ACSL4: variants seen among roughly 807,000 people sequenced by gnomAD.
ACSL4 encodes the protein long-chain-fatty-acid--CoA ligase 4.
Under a neutral mutation model 49.1 loss-of-function variants are expected in ACSL4, and 9 were observed. That is an observed-to-expected ratio of 0.18 (90% CI 0.11 to 0.32). The LOEUF (loss-of-function observed/expected upper bound fraction) is 0.32, where lower values mean the gene tolerates loss of function less well. ACSL4 is among the 10% of genes least tolerant of loss of function. The pLI is 1.00. For synonymous variants in ACSL4, 191 were observed against 170.3 expected, an observed-to-expected ratio of 1.12 and a Z score of -0.95; for missense variants, 333 against 493.7, an observed-to-expected ratio of 0.67 and a Z score of 3.08.
At chrX:109,645,004 C>G (rs749144674) in intron 15 of ACSL4, among the ~76,000 whole-genome samples, 2 of 113,091 alleles carry the variant, frequency 1.8e-5, no homozygotes, top group East Asian at 5.6e-4. Context: ...TAGCCCGCAC[C>G]TGGCTCGGAG....
chrX:109,732,460 G>A (rs1383991105), intron 1 of ACSL4, among the ~76,000 whole-genome samples: 1 of 111,322 alleles, frequency 9.0e-6, no homozygotes, highest in Non-Finnish European at 1.9e-5. Flanking sequence ...AGAGGAAGAG[G>A]AAGTGAATAA....
intron 9 of ACSL4, among the ~76,000 whole-genome samples, chrX:109,672,343 C>T (rs1349982590): frequency 9.0e-6 from 1 of 110,560 alleles, no homozygotes; most frequent in Non-Finnish European, 1.9e-5. Flanking sequence ...GTGTGAGAAC[C>T]ATGTCTACTG....
chrX:109,663,596 A>G (rs754840345), intron 12 of ACSL4, among the ~76,000 whole-genome samples, 194 bp from the exon 13 acceptor site: 1 of 111,553 alleles, frequency 9.0e-6, no homozygotes, highest in African/African-American at 3.3e-5. Flanking sequence ...GAAAGGCTCA[A>G]TGATAATCAC....
intron 1 of ACSL4, among the ~76,000 whole-genome samples, chrX:109,716,798 T>C (rs1927153237): frequency 8.9e-6 from 1 of 111,853 alleles, no homozygotes; most frequent in Non-Finnish European, 1.9e-5. Context: ...GAAATACTAT[T>C]TAAGGAAGGA....
In ACSL4 at chrX:109,733,146, G is replaced by A. The variant is rs926105852; in HGVS notation, c.-73C>T. 3.1e-6 allele frequency: 1 copy of A among 325,796 alleles called. No homozygotes were observed. Among genetic ancestry groups the A allele is most frequent in the Non-Finnish European group, 5.9e-6 (1 of 168,192 alleles). 26.8% of individuals were successfully genotyped at this position (325,796 alleles called of 1,213,427 possible). A position where few individuals can be genotyped will look rare whatever the true frequency, so the allele number is the denominator to read the frequency against. On this transcript the variant is annotated 5_prime_UTR_variant, in exon 1 of 16. Transcript: ENST00000672401. ...CCATCCAGGGATACTCACCGGAGGG[G>A]CGGCCCACCGCGTCTTCGCAGCCGG...
intron 15 of ACSL4, among the ~76,000 whole-genome samples, chrX:109,647,699 C>T (rs768934243): frequency 9.0e-6 from 1 of 111,184 alleles, no homozygotes; most frequent in East Asian, 2.8e-4. Context: ...GAAATAGAGA[C>T]ACAAAAAACC....
At chrX:109,647,608 A>G (rs186268378) in intron 15 of ACSL4, among the ~76,000 whole-genome samples, 8 of 111,823 alleles carry the variant, frequency 7.2e-5, no homozygotes, top group African/African-American at 2.6e-4. Context: ...ATCAAAATTA[A>G]AAGAACTAGA....
At chrX:109,661,750 C>G (rs1922198300) in intron 13 of ACSL4, 105 bp from the exon 14 acceptor site, 1 of 574,629 alleles carries the variant, frequency 1.7e-6, no homozygotes, top group Non-Finnish European at 2.9e-6. Context: ...AAAACTACTT[C>G]TTCTAAAATT....
chrX:109,725,473 C>T (rs963418326), intron 1 of ACSL4, among the ~76,000 whole-genome samples: 1 of 111,554 alleles, frequency 9.0e-6, no homozygotes, highest in African/African-American at 3.3e-5. Context: ...GTATAAAACC[C>T]TTTTAGATGG....
chrX:109,654,228 T>C (rs1419116520), intron 15 of ACSL4, among the ~76,000 whole-genome samples: 1 of 110,651 alleles, frequency 9.0e-6, no homozygotes, highest in Non-Finnish European at 1.9e-5. Flanking sequence ...CAGAAAAACT[T>C]CGATTATGTT....
chrX:109,721,267 C>T (rs571816234), intron 1 of ACSL4, among the ~76,000 whole-genome samples: 2 of 112,511 alleles, frequency 1.8e-5, no homozygotes, highest in East Asian at 2.8e-4. Flanking sequence ...TCCTGAAGCA[C>T]AGTGAATTTT....
intron 1 of ACSL4, among the ~76,000 whole-genome samples, chrX:109,705,247 C>T (rs1245539696): frequency 8.9e-6 from 1 of 112,067 alleles, no homozygotes; most frequent in Admixed American, 9.5e-5. Context: ...AGTGTGCACA[C>T]AGATGTTTCC....
At chrX:109,667,477 A>C (rs1402502425) in intron 11 of ACSL4, among the ~76,000 whole-genome samples, 1 of 112,894 alleles carries the variant, frequency 8.9e-6, no homozygotes, top group Non-Finnish European at 1.9e-5. Flanking sequence ...ACACAGATTT[A>C]AGAGGGAGCA....
intron 2 of ACSL4, among the ~76,000 whole-genome samples, chrX:109,695,150 G>A (rs2147477531): frequency 9.1e-6 from 1 of 109,988 alleles, no homozygotes; most frequent in East Asian, 2.9e-4. Flanking sequence ...TTTGAGACCA[G>A]CCTGGCCAAC....
At chrX:109,678,898 G>A (rs969406436) in intron 6 of ACSL4, among the ~76,000 whole-genome samples, 2 of 112,210 alleles carry the variant, frequency 1.8e-5, no homozygotes, top group Admixed American at 1.9e-4. Flanking sequence ...CCTAATCTCT[G>A]TCTGTGCATT....
At chrX:109,726,667 A>T (rs113719527) in intron 1 of ACSL4, among the ~76,000 whole-genome samples, 3,281 of 110,785 alleles carry the variant, frequency 0.03, 133 homozygotes, top group African/African-American at 0.1. Flanking sequence ...AAGCTTTTTC[A>T]TTTTTATTTA....
In ACSL4 at chrX:109,668,184, C is replaced by T. The variant is rs776295981; in HGVS notation, c.1232G>A (p.Arg411Gln). The change falls in exon 11 of 16, where the codon CGA becomes CAA. Residue 411 changes from arginine (R) to glutamine (Q), a missense_variant. By Grantham distance (43) the Arg-to-Gln change is conservative. Around this residue, in one of 3 missense-constraint regions of ACSL4, gnomAD observed 175 missense variants for 275.8 expected, o/e 0.63. Transcript: ENST00000672401. Reference sequence around the variant, plus strand: ...GCAGCAGAAGCAGACATTCATGAATCGGTGTGTCTGAGGAGATAGCGGGGC... The same window carrying T: ...GCAGCAGAAGCAGACATTCATGAATTGGTGTGTCTGAGGAGATAGCGGGGC... ...GGAPLSPQTH[R>Q]FMNVCFCCPI... is the part of the protein sequence containing the mutation. 1 of 1,209,284 alleles carries T rather than the reference C, an allele frequency of 8.3e-7. No homozygotes were observed. Among genetic ancestry groups the T allele is most frequent in the Non-Finnish European group, 1.1e-6 (1 of 893,232 alleles).
intron 13 of ACSL4, 116 bp downstream of exon 13, chrX:109,663,095 G>T: frequency 3.0e-6 from 2 of 668,848 alleles, no homozygotes; most frequent in East Asian, 3.4e-5. Context: ...TAAATAACTT[G>T]TCCAAAGTTT....
intron 15 of ACSL4, among the ~76,000 whole-genome samples, chrX:109,645,887 G>A (rs1934664262): frequency 8.9e-6 from 1 of 112,400 alleles, no homozygotes; most frequent in Non-Finnish European, 1.9e-5. Context: ...AGAAGCCTCA[G>A]GAGCCGATGC....
Sources: gnomAD v4.1 joint callset for allele counts (sites outside exome capture counted in the v4.1 genomes callset) on GRCh38, gnomAD v4.1.1 for gene constraint, gnomAD v4.1.1 regional missense constraint, MANE v1.5 for transcripts, NCBI Gene and HGNC (gene_info 2026-07-23, HGNC 2026-07-21) for gene names.